ACTR3C: variants seen among roughly 807,000 people sequenced by gnomAD.
ACTR3C encodes actin related protein 3C, also known as actin-related protein 3C.
In ACTR3C, 18 loss-of-function variants were observed where a neutral mutation model predicts 26.3. That is an observed-to-expected ratio of 0.68 (90% CI 0.47 to 1.01). ACTR3C has a LOEUF of 1.01. ACTR3C is among the 50% of genes least tolerant of loss of function. The pLI is 0.00. For synonymous variants in ACTR3C, 55 were observed against 94.5 expected, an observed-to-expected ratio of 0.58 and a Z score of 2.42; for missense variants, 184 against 250.7, an observed-to-expected ratio of 0.73 and a Z score of 1.80.
At chr7:150,210,141 T>C in the ACTR3C span, among the ~76,000 whole-genome samples, 2 of 151,850 alleles carry the variant, frequency 1.3e-5, no homozygotes, top group Non-Finnish European at 2.9e-5. Context: ...TCATCAGCCA[T>C]TGCAAAATAC....
At chr7:150,071,048 C>G in the ACTR3C span, among the ~76,000 whole-genome samples, 58 of 150,604 alleles carry the variant, frequency 3.9e-4, no homozygotes, top group African/African-American at 1.4e-3. Flanking sequence ...CCTACCTCAG[C>G]CTCCCAAAGT....
chr7:149,911,952 G>A, the ACTR3C span, among the ~76,000 whole-genome samples: 19 of 150,250 alleles, frequency 1.3e-4, no homozygotes, highest in African/African-American at 4.2e-4. Context: ...CGAGGTTGCA[G>A]TGAACTATGA....
chr7:149,894,721 A>C, the ACTR3C span, among the ~76,000 whole-genome samples: 1 of 152,208 alleles, frequency 6.6e-6, no homozygotes, highest in Non-Finnish European at 1.5e-5. Context: ...GCAATTATCA[A>C]AAAAGCAAAA....
At chr7:150,140,296 G>A in the ACTR3C span, among the ~76,000 whole-genome samples, 349 of 152,120 alleles carry the variant, frequency 2.3e-3, 1 homozygote, top group African/African-American at 8.0e-3. Context: ...GCTCACTTGG[G>A]GTATGGCTAT....
chr7:150,030,784 A>G, the ACTR3C span, among the ~76,000 whole-genome samples: 2 of 151,860 alleles, frequency 1.3e-5, no homozygotes, highest in Non-Finnish European at 2.9e-5. Context: ...CACTCACTCC[A>G]TTCGCAATGG....
the ACTR3C span, among the ~76,000 whole-genome samples, chr7:150,037,603 A>T: frequency 6.4e-4 from 42 of 65,906 alleles, 4 homozygotes; most frequent in East Asian, 2.6e-3. Flanking sequence ...GCTCTCAGTA[A>T]TCCCACGTAA....
At chr7:150,134,461 C>T in the ACTR3C span, among the ~76,000 whole-genome samples, 1 of 152,260 alleles carries the variant, frequency 6.6e-6, no homozygotes, top group Non-Finnish European at 1.5e-5. Context: ...GAAAAAGTTA[C>T]TGAGTCACAA....
chr7:150,186,444 C>T, the ACTR3C span, among the ~76,000 whole-genome samples: 2 of 152,192 alleles, frequency 1.3e-5, no homozygotes, highest in African/African-American at 4.8e-5. Context: ...ATTGAAGGCC[C>T]ACATGTTTGT....
the ACTR3C span, among the ~76,000 whole-genome samples, chr7:150,125,239 A>G: frequency 1.3e-5 from 2 of 150,800 alleles, no homozygotes; most frequent in African/African-American, 4.9e-5. Context: ...AAAAAAAAAT[A>G]GAACTCTCAT....
At chr7:149,931,230 A>T in the ACTR3C span, among the ~76,000 whole-genome samples, 9,103 of 133,538 alleles carry the variant, frequency 0.068, no homozygotes, top group African/African-American at 0.16. Flanking sequence ...TCTGTAGGTC[A>T]GGGAGGGTGC....
the ACTR3C span, among the ~76,000 whole-genome samples, chr7:150,194,951 G>A: frequency 2.0e-5 from 3 of 151,818 alleles, no homozygotes; most frequent in Non-Finnish European, 2.9e-5. Flanking sequence ...AAAATTAGCC[G>A]AGAGTGATGA....
the ACTR3C span, among the ~76,000 whole-genome samples, chr7:149,987,974 A>T: frequency 6.6e-6 from 1 of 152,236 alleles, no homozygotes; most frequent in Non-Finnish European, 1.5e-5. Flanking sequence ...TTCTAATCTC[A>T]TGTAATAACT....
the ACTR3C span, among the ~76,000 whole-genome samples, chr7:150,185,274 G>GGTGTGTGTGTGTGTGT: frequency 1.7e-4 from 21 of 124,152 alleles, no homozygotes; most frequent in African/African-American, 6.4e-4. Context: ...TTAAATGTCA[G>GGTGTGTGTGTGTGTGT]GCGTGTGTGT....
At chr7:150,110,413 C>T in the ACTR3C span, among the ~76,000 whole-genome samples, 20,519 of 71,110 alleles carry the variant, frequency 0.29, 1,243 homozygotes, top group Non-Finnish European at 0.37. Flanking sequence ...GGCGGGACTG[C>T]TCAGCAAGGC....
chr7:149,926,315 A>G, the ACTR3C span, among the ~76,000 whole-genome samples: 2 of 152,352 alleles, frequency 1.3e-5, no homozygotes, highest in South Asian at 4.1e-4. Context: ...TGTCTCTTAG[A>G]AAGTCCTGCT....
At chr7:149,985,479 C>A in the ACTR3C span, among the ~76,000 whole-genome samples, 849 of 152,244 alleles carry the variant, frequency 5.6e-3, 14 homozygotes, top group African/African-American at 0.019. Flanking sequence ...TCATTTGTTT[C>A]TCAAAACATT....
At chr7:150,116,817 G>C in the ACTR3C span, among the ~76,000 whole-genome samples, 1 of 152,172 alleles carries the variant, frequency 6.6e-6, no homozygotes, top group African/African-American at 2.4e-5. Context: ...GAACAGCTCC[G>C]ATCTGCAGCT....
intron 6 of ACTR3C, among the ~76,000 whole-genome samples, chr7:150,283,749 G>C (rs937532582): frequency 4.0e-5 from 6 of 151,150 alleles, no homozygotes; most frequent in Non-Finnish European, 8.8e-5. Context: ...ACAATGCTGA[G>C]TGCTGTCAGT....
intron 6 of ACTR3C, among the ~76,000 whole-genome samples, chr7:150,262,630 T>C (rs1242698906): frequency 6.6e-6 from 1 of 152,238 alleles, no homozygotes; most frequent in Non-Finnish European, 1.5e-5. Flanking sequence ...CCAACTGATG[T>C]CAGTCGTTAA....
Sources: gnomAD v4.1 joint callset for allele counts (sites outside exome capture counted in the v4.1 genomes callset) on GRCh38, gnomAD v4.1.1 for gene constraint, MANE v1.5 for transcripts, NCBI Gene and HGNC (gene_info 2026-07-23, HGNC 2026-07-21) for gene names.